Variants in CTSO observed in about 807,000 individuals in gnomAD.
The protein encoded by CTSO is cathepsin O.
Under a neutral mutation model 42.4 loss-of-function variants are expected in CTSO, and 40 were observed. The observed-to-expected ratio is 0.94, with a 90% CI of 0.73 to 1.23. CTSO has a LOEUF of 1.23. Ranked by LOEUF, CTSO falls within the 50% of genes most tolerant of loss-of-function variation. The probability of loss-of-function intolerance (pLI) is 0.00; values close to 1 mark genes in which losing one functional copy is unlikely to be tolerated. For synonymous variants in CTSO, 156 were observed against 146.2 expected, an observed-to-expected ratio of 1.07 and a Z score of -0.48; for missense variants, 441 against 396.0, an observed-to-expected ratio of 1.11 and a Z score of -0.96.
In CTSO at chr4:155,953,707, C is replaced by A; in HGVS notation, c.135+6G>T. Reference sequence around the variant, plus strand: ...GACAGATCCCGGGGAGGCGCGCGCTCGGTACCCGGAAGGCGGCGGCTTCAC... The same window carrying A: ...GACAGATCCCGGGGAGGCGCGCGCTAGGTACCCGGAAGGCGGCGGCTTCAC... On this transcript the variant is annotated splice_donor_region_variant and intron_variant, in intron 1 of 7. Coordinates refer to ENST00000433477, the MANE Select transcript of CTSO (RefSeq NM_001334.3). 7.9e-7 allele frequency: 1 copy of A among 1,263,398 alleles called. No individual in the cohort carries two copies. Among genetic ancestry groups the A allele is most frequent in the South Asian group, 2.9e-5 (1 of 34,122 alleles). The allele number at this position is 1,263,398 out of a possible 1,614,324, so 78.3% of individuals were successfully genotyped here.
chr4:155,948,976 C>T (rs1743598165), intron 1 of CTSO, among the ~76,000 whole-genome samples: 1 of 152,182 alleles, frequency 6.6e-6, no homozygotes, highest in Non-Finnish European at 1.5e-5. Flanking sequence ...CATGTATTTT[C>T]TTCTTGCATG....
chr4:155,932,996 C>T (rs949643138), intron 5 of CTSO, among the ~76,000 whole-genome samples: 1 of 152,108 alleles, frequency 6.6e-6, no homozygotes, highest in African/African-American at 2.4e-5. Flanking sequence ...GGGCTTTACC[C>T]TCTGTGAGGG....
chr4:155,938,858 G>A (rs1743377178), intron 4 of CTSO, among the ~76,000 whole-genome samples: 1 of 152,154 alleles, frequency 6.6e-6, no homozygotes, highest in African/African-American at 2.4e-5. Flanking sequence ...TCCGGAGGCT[G>A]AAGCAGCAGA....
chr4:155,929,369 A>G (rs1229519520), intron 6 of CTSO, among the ~76,000 whole-genome samples, 173 bp downstream of exon 6: 1 of 152,158 alleles, frequency 6.6e-6, no homozygotes, highest in Non-Finnish European at 1.5e-5. Context: ...TAGGGTCTCC[A>G]CAACTGAGCT....
At chr4:155,952,155 G>T (rs1743686277) in intron 1 of CTSO, among the ~76,000 whole-genome samples, 1 of 152,052 alleles carries the variant, frequency 6.6e-6, no homozygotes, top group Non-Finnish European at 1.5e-5. Flanking sequence ...TTCTTAACCC[G>T]AGGTTTTTAA....
intron 3 of CTSO, among the ~76,000 whole-genome samples, chr4:155,941,711 G>A (rs1743432670): frequency 6.6e-6 from 1 of 152,060 alleles, no homozygotes; most frequent in Non-Finnish European, 1.5e-5. Flanking sequence ...TTCTGCATAG[G>A]TGGTGATTTT....
chr4:155,934,380 G>A (rs545053738), intron 5 of CTSO, among the ~76,000 whole-genome samples: 58 of 152,348 alleles, frequency 3.8e-4, no homozygotes, highest in South Asian at 6.2e-4. Flanking sequence ...CTCTGCTAGC[G>A]CAGTGCAGAA....
At chr4:155,951,917 C>G (rs1214435521) in intron 1 of CTSO, among the ~76,000 whole-genome samples, 1 of 152,056 alleles carries the variant, frequency 6.6e-6, no homozygotes. Flanking sequence ...TCCTCCCGTC[C>G]ATGGAAAAAA....
chr4:155,937,460 A>G lies in CTSO; in HGVS notation c.576T>C (p.Asp192=), dbSNP rs1743349693. The change falls in exon 5 of 8, where the codon GAT becomes GAC. Residue 192 remains aspartate, a synonymous_variant. Transcript: ENST00000433477. ...TTTGTGCTTTAAAAGGATATTCTGA[A>G]TCTTTCACCAGTTTTACTTGCATCT... ...LNKMQVKLVK[D]SEYPFKAQNG... 1.9e-6 allele frequency: 3 copies of G among 1,613,272 alleles called. No homozygotes were observed. The highest frequency in any genetic ancestry group is 2.5e-6 in the Non-Finnish European group (3 of 1,179,508).
At chr4:155,929,114 C>T in intron 6 of CTSO, among the ~76,000 whole-genome samples, 1 of 152,246 alleles carries the variant, frequency 6.6e-6, no homozygotes, top group Non-Finnish European at 1.5e-5. Flanking sequence ...GGACATGCTC[C>T]TGCTGCAGAC....
At chr4:155,942,493 T>C (rs753304746) in intron 2 of CTSO, 37 bp from the exon 3 acceptor site, 1 of 951,416 alleles carries the variant, frequency 1.1e-6, no homozygotes, top group Non-Finnish European at 1.4e-6. Context: ...CAACCAATAT[T>C]ATATTACAAT....
At chr4:155,932,673 G>A (rs923174823) in intron 5 of CTSO, among the ~76,000 whole-genome samples, 3 of 152,124 alleles carry the variant, frequency 2.0e-5, no homozygotes, top group African/African-American at 7.2e-5. Context: ...TGGCACTGAA[G>A]TGTACATTTT....
intron 6 of CTSO, among the ~76,000 whole-genome samples, chr4:155,929,003 C>G (rs1392074654): frequency 6.6e-6 from 1 of 152,136 alleles, no homozygotes; most frequent in East Asian, 1.9e-4. Flanking sequence ...TGTGGGTTTA[C>G]CGGAATTAGG....
chr4:155,927,482 G>T (rs1445669792), intron 7 of CTSO, among the ~76,000 whole-genome samples: 42 of 152,120 alleles, frequency 2.8e-4, no homozygotes, highest in Non-Finnish European at 4.4e-5. Context: ...AAAAAGTTGT[G>T]TTTCAGGCTG....
At position 155,924,660 on chromosome 4, in the gene CTSO, C is replaced by T. The variant is rs549710481; in HGVS notation, c.*1376G>A. 1 of 152,146 alleles carries T rather than the reference C, an allele frequency of 6.6e-6. No homozygotes were observed. Among genetic ancestry groups the T allele is most frequent in the Admixed American group, 6.5e-5 (1 of 15,280 alleles). 9.4% of individuals were successfully genotyped at this position (152,146 alleles called of 1,614,324 possible). Reference sequence around the variant, plus strand: ...CAGAAATAATTTTCTTGTATTGATTCATTTAATATGGTTGTGCTTATATTC... The same window carrying T: ...CAGAAATAATTTTCTTGTATTGATTTATTTAATATGGTTGTGCTTATATTC... On this transcript the variant is annotated 3_prime_UTR_variant, in exon 8 of 8. Coordinates refer to ENST00000433477, the MANE Select transcript of CTSO (RefSeq NM_001334.3).
intron 6 of CTSO, among the ~76,000 whole-genome samples, chr4:155,929,301 C>T (rs1743188607): frequency 6.6e-6 from 1 of 152,168 alleles, no homozygotes; most frequent in African/African-American, 2.4e-5. Context: ...CCCTGATTTC[C>T]CACTCCACAC....
Position 155,953,858 on chromosome 4 carries a change from G to T in CTSO, c.-11C>A. ...CGCCCGCACGTCCATTGCGGCGCCC[G>T]GCTCCTCTGCCGCCCGCGCGGCCTG... On this transcript the variant is annotated 5_prime_UTR_variant, in exon 1 of 8. Coordinates refer to ENST00000433477, the MANE Select transcript of CTSO (RefSeq NM_001334.3). The T allele has an allele frequency of 7.9e-7, 1 of 1,270,560 alleles. No homozygotes were observed. Among genetic ancestry groups the T allele is most frequent in the Non-Finnish European group, 9.9e-7 (1 of 1,011,324 alleles). 78.7% of individuals were successfully genotyped at this position (1,270,560 alleles called of 1,614,324 possible). A position where few individuals can be genotyped will look rare whatever the true frequency, so the allele number is the denominator to read the frequency against.
intron 1 of CTSO, among the ~76,000 whole-genome samples, chr4:155,948,911 G>T (rs1227574693): frequency 6.6e-6 from 1 of 152,274 alleles, no homozygotes; most frequent in East Asian, 1.9e-4. Flanking sequence ...TCCCTGAGGG[G>T]AAAAATCTGT....
In CTSO at chr4:155,953,790, C is replaced by CA; in HGVS notation, c.57_58insT (p.Gly20TrpfsTer21). On this transcript the variant is annotated frameshift_variant, in exon 1 of 8. Transcript: ENST00000433477. LOFTEE classifies it high-confidence loss of function. ...GGGGCGCGGGAGTCCGCATCGCCGC[C>CA]GCCCCGGCACAGCAGCCACAGCAGC... The CA allele has an allele frequency of 7.4e-7, 1 of 1,343,654 alleles. No homozygotes were observed. Among genetic ancestry groups the CA allele is most frequent in the Non-Finnish European group, 9.6e-7 (1 of 1,043,926 alleles). The allele number at this position is 1,343,654 out of a possible 1,614,324, so 83.2% of individuals were successfully genotyped here.
Sources: gnomAD v4.1 joint callset for allele counts (sites outside exome capture counted in the v4.1 genomes callset) on GRCh38, gnomAD v4.1.1 for gene constraint, MANE v1.5 for transcripts, NCBI Gene and HGNC (gene_info 2026-07-23, HGNC 2026-07-21) for gene names.